F13A1: variants seen among roughly 807,000 people sequenced by gnomAD.
F13A1 encodes coagulation factor XIII A chain.
In F13A1, 47 loss-of-function variants were observed where a neutral mutation model predicts 80.1. That is an observed-to-expected ratio of 0.59 (90% CI 0.46 to 0.75). F13A1 has a LOEUF of 0.75. Among genes scored for constraint, F13A1 ranks in the 30% least tolerant of loss-of-function variants. F13A1 has a pLI of 0.00. For synonymous variants in F13A1, 349 were observed against 344.9 expected, an observed-to-expected ratio of 1.01 and a Z score of -0.13; for missense variants, 817 against 930.4, an observed-to-expected ratio of 0.88 and a Z score of 1.59.
At chr6:6,157,648 G>T (rs3024455) in intron 13 of F13A1, among the ~76,000 whole-genome samples, 31,582 of 151,972 alleles carry the variant, frequency 0.21, 3,394 homozygotes, top group Middle Eastern at 0.28. Flanking sequence ...ATGTGACAAG[G>T]TAGCCTTGGG....
rs1417549782 is a variant in F13A1 at position 6,145,644 on chromosome 6, T to C, written c.2174A>G (p.Gln725Arg). 7.4e-6 allele frequency: 12 copies of C among 1,614,082 alleles called. No homozygotes were observed. Among genetic ancestry groups the C allele is most frequent in the Non-Finnish European group, 9.3e-6 (11 of 1,180,032 alleles). The part of the protein sequence containing the change: ...LRHVYGELDV[Q>R]IQRRPSM ...TCACATGGAAGGTCGTCTTTGAATC[T>C]GCACGTCCAGCTCGCCATACACATG... Residue 725 changes from glutamine (Q) to arginine (R), a missense_variant, in exon 15 of 15, where the codon CAG becomes CGG. Physicochemically the swap from Gln to Arg is conservative, Grantham distance 43 (BLOSUM62 1). Transcript: ENST00000264870.
At chr6:6,190,479 T>G (rs1463949297) in intron 10 of F13A1, among the ~76,000 whole-genome samples, 14 of 148,120 alleles carry the variant, frequency 9.5e-5, no homozygotes, top group African/African-American at 2.2e-4. Context: ...TGGAATACCC[T>G]GCTGTGTAAG....
At chr6:6,300,611 T>C (rs1758413386) in intron 3 of F13A1, among the ~76,000 whole-genome samples, 1 of 152,144 alleles carries the variant, frequency 6.6e-6, no homozygotes, top group Non-Finnish European at 1.5e-5. Flanking sequence ...TCGCGCACAG[T>C]GCACGCACCC....
rs147926908 is a variant in F13A1 at position 6,166,739 on chromosome 6, G to A, written c.1908+719C>T. ...TTATCTTCCACTCTCATCAACCCTC[G>A]GCCTTCCTCTGCCAAGTCTCTTGAG... On this transcript the variant is annotated intron_variant, in intron 13 of 14. Coordinates refer to ENST00000264870, the MANE Select transcript of F13A1 (RefSeq NM_000129.4). Among the ~76,000 whole-genome samples the A allele has an allele frequency of 1.3e-3, 195 of 152,282 alleles. 1 individual carries two copies. Among genetic ancestry groups the A allele is most frequent in the African/African-American group, 4.5e-3 (187 of 41,566 alleles).
intron 6 of F13A1, among the ~76,000 whole-genome samples, chr6:6,247,696 C>T (rs1336953858): frequency 6.6e-6 from 1 of 152,218 alleles, no homozygotes; most frequent in Non-Finnish European, 1.5e-5. Context: ...TTGAAGTCAG[C>T]AGACCGGAGT....
chr6:6,313,026 A>G (rs906679296), intron 2 of F13A1, among the ~76,000 whole-genome samples: 3 of 152,240 alleles, frequency 2.0e-5, no homozygotes, highest in Admixed American at 1.3e-4. Flanking sequence ...ATATGAACAT[A>G]GACATAAAAA....
chr6:6,194,833 T>G (rs1380065834), intron 10 of F13A1, among the ~76,000 whole-genome samples: 2 of 152,208 alleles, frequency 1.3e-5, no homozygotes, highest in Non-Finnish European at 2.9e-5. Flanking sequence ...CAGTATGCAT[T>G]CAGGTATCTG....
chr6:6,281,638 C>T (rs974281883), intron 3 of F13A1, among the ~76,000 whole-genome samples: 3 of 152,160 alleles, frequency 2.0e-5, no homozygotes, highest in African/African-American at 4.8e-5. Context: ...CTAATGCAAA[C>T]ACAGAGCACA....
chr6:6,174,961 G>T, intron 11 of F13A1, 94 bp from the exon 12 acceptor site: 1 of 1,470,470 alleles, frequency 6.8e-7, no homozygotes, highest in Non-Finnish European at 9.5e-7. Flanking sequence ...ACTTGTTGGG[G>T]TGTTTCTATA....
chr6:6,272,956 A>G (rs771522164), intron 3 of F13A1, among the ~76,000 whole-genome samples: 26 of 152,204 alleles, frequency 1.7e-4, no homozygotes, highest in African/African-American at 6.3e-4. Context: ...CAAGACTCCT[A>G]TGTAAGAAAA....
At chr6:6,191,262 A>G (rs1761193001) in intron 10 of F13A1, among the ~76,000 whole-genome samples, 1 of 151,978 alleles carries the variant, frequency 6.6e-6, no homozygotes, top group South Asian at 2.1e-4. Context: ...CGAGTTACTG[A>G]ATCTCTCTGA....
intron 14 of F13A1, among the ~76,000 whole-genome samples, chr6:6,147,974 G>A (rs965745295): frequency 6.6e-6 from 1 of 152,088 alleles, no homozygotes; most frequent in African/African-American, 2.4e-5. Flanking sequence ...TTGAATGCAC[G>A]CAGGCAAATA....
intron 7 of F13A1, among the ~76,000 whole-genome samples, chr6:6,224,205 G>A (rs979176180): frequency 7.2e-5 from 11 of 152,064 alleles, no homozygotes; most frequent in Non-Finnish European, 1.3e-4. Context: ...GAGACCACCT[G>A]CTATAATACC....
chr6:6,222,451 C>T lies in F13A1; in HGVS notation c.974-280G>A, dbSNP rs567410966. 2.0e-4 allele frequency among the ~76,000 whole-genome samples: 30 copies of T among 152,220 alleles called. No homozygotes were observed. The South Asian group carries it at 4.4e-3, about 22-fold the overall frequency. On this transcript the variant is annotated intron_variant, in intron 7 of 14. Coordinates refer to ENST00000264870, the MANE Select transcript of F13A1 (RefSeq NM_000129.4). ...GGGTTCTAATTGTTTCGTTTCTAAG[C>T]GTTTGATCATCAACGTAGTATTATT...
rs551098989 is a variant in F13A1, at chr6:6,162,818, A to C, written c.1908+4640T>G. ...TGAAATGATCTGTCCAGGTTTACAC[A>C]GTTATGATGTTCAGAAAACAAGCTT... On this transcript the variant is annotated intron_variant, in intron 13 of 14. Coordinates refer to ENST00000264870, the MANE Select transcript of F13A1 (RefSeq NM_000129.4). The surrounding 1 kb of genome is among the most constrained non-coding windows in gnomAD (Gnocchi z 4.2). Among the ~76,000 whole-genome samples, 15 of 152,314 alleles carry C rather than the reference A, an allele frequency of 9.8e-5. No individual in the cohort carries two copies. Among genetic ancestry groups the C allele is most frequent in the Non-Finnish European group, 1.9e-4 (13 of 68,028 alleles).
chr6:6,148,055 C>G (rs935520379), intron 14 of F13A1, among the ~76,000 whole-genome samples: 10 of 152,170 alleles, frequency 6.6e-5, no homozygotes, highest in African/African-American at 2.4e-4. Flanking sequence ...AGCTTCTGTC[C>G]TATTTGAGAA....
intron 3 of F13A1, among the ~76,000 whole-genome samples, chr6:6,272,394 C>T (rs534052254): frequency 5.3e-5 from 8 of 152,194 alleles, no homozygotes; most frequent in Admixed American, 3.9e-4. Flanking sequence ...AACATACTTG[C>T]CATCAAGGAG....
In F13A1 at chr6:6,313,280, C is replaced by CTTTTTTTT. The variant is rs5874027; in HGVS notation, c.130+5247_130+5254dup. On this transcript the variant is annotated intron_variant, in intron 2 of 14. Coordinates refer to ENST00000264870, the MANE Select transcript of F13A1 (RefSeq NM_000129.4). ...ATGGAACAGCTCATTGCTAAGCCGC[C>CTTTTTTTT]TTTTTTTTTTTTTTTTTTTTAAATA... Among the ~76,000 whole-genome samples, 839 of 126,672 alleles carry CTTTTTTTT rather than the reference C, an allele frequency of 6.6e-3. 9 individuals are homozygous for CTTTTTTTT. The highest frequency in any genetic ancestry group is 0.027 in the South Asian group (100 of 3,738). 83.1% of individuals were successfully genotyped at this position (126,672 alleles called of 152,430 possible).
intron 13 of F13A1, among the ~76,000 whole-genome samples, chr6:6,161,504 T>A (rs116134284): frequency 0.024 from 3,355 of 139,030 alleles, 52 homozygotes; most frequent in Middle Eastern, 0.049. Context: ...GCAAAGGGGA[T>A]ACTGAAGTTC....
Sources: allele counts gnomAD v4.1 joint callset (sites outside exome capture counted in the v4.1 genomes callset), GRCh38; gene constraint gnomAD v4.1.1; non-coding constraint Gnocchi (gnomAD v3.1); transcripts MANE v1.5; gene names NCBI Gene and HGNC (gene_info 2026-07-23, HGNC 2026-07-21).